ZBBX: variants seen among roughly 807,000 people sequenced by gnomAD.
ZBBX encodes the protein zinc finger B-box domain-containing protein 1.
ZBBX carries 101 observed loss-of-function variants against 108.5 expected under a neutral mutation model. The ratio of observed to expected loss-of-function variants is 0.93; its 90% CI spans 0.79 to 1.10. The LOEUF (loss-of-function observed/expected upper bound fraction) is 1.10. ZBBX is among the 50% of genes least tolerant of loss of function. The pLI is 0.00. For synonymous variants in ZBBX, 356 were observed against 323.4 expected, an observed-to-expected ratio of 1.10 and a Z score of -1.08; for missense variants, 1,009 against 941.4, an observed-to-expected ratio of 1.07 and a Z score of -0.94.
intron 20 of ZBBX, among the ~76,000 whole-genome samples, chr3:167,280,042 C>T (rs1446292137): frequency 6.6e-6 from 1 of 151,854 alleles, no homozygotes; most frequent in Non-Finnish European, 1.5e-5. Context: ...ACTGGCTAGC[C>T]ATATGTAGAA....
At chr3:167,331,946 T>C (rs928890054) in intron 10 of ZBBX, among the ~76,000 whole-genome samples, 3 of 152,174 alleles carry the variant, frequency 2.0e-5, no homozygotes, top group Non-Finnish European at 2.9e-5. Context: ...GGATGTGCCA[T>C]TGGCTTTGAT....
At chr3:167,223,986 G>A in the ZBBX span, among the ~76,000 whole-genome samples, 1 of 151,894 alleles carries the variant, frequency 6.6e-6, no homozygotes, top group African/African-American at 2.4e-5. Context: ...TTTAATGCCT[G>A]AAGCACTTTA....
the ZBBX span, among the ~76,000 whole-genome samples, chr3:167,178,711 T>C: frequency 2.0e-5 from 3 of 152,138 alleles, no homozygotes; most frequent in Non-Finnish European, 4.4e-5. Context: ...CTTCCCAACT[T>C]TTTGTTATCG....
chr3:167,346,370 C>T (rs1253109112), intron 9 of ZBBX, among the ~76,000 whole-genome samples: 1 of 151,830 alleles, frequency 6.6e-6, no homozygotes, highest in Non-Finnish European at 1.5e-5. Flanking sequence ...CACTAGTCAA[C>T]ATGTAAATAT....
intron 1 of ZBBX, among the ~76,000 whole-genome samples, chr3:167,388,889 C>T (rs1048925563): frequency 2.6e-5 from 4 of 152,014 alleles, no homozygotes; most frequent in South Asian, 2.1e-4. Flanking sequence ...CTTAAATTTG[C>T]ATTTCTTTTA....
chr3:167,405,542 T>G (rs1036847115), intron 1 of ZBBX, among the ~76,000 whole-genome samples: 12 of 152,166 alleles, frequency 7.9e-5, no homozygotes, highest in African/African-American at 2.7e-4. Context: ...GTAATTTTCA[T>G]GAAGAAGTGT....
chr3:167,366,746 T>C (rs1009267950), intron 5 of ZBBX: 2 of 439,130 alleles, frequency 4.6e-6, no homozygotes, highest in African/African-American at 4.1e-5. Flanking sequence ...TTAAGAATCA[T>C]CTAGAAAAGC....
intron 16 of ZBBX, among the ~76,000 whole-genome samples, chr3:167,312,257 C>T (rs533238968): frequency 6.6e-6 from 1 of 152,202 alleles, no homozygotes; most frequent in Admixed American, 6.5e-5. Flanking sequence ...TAAAAAAAAT[C>T]AGTGGTTGCC....
chr3:167,287,271 C>A (rs1729875151), intron 19 of ZBBX, among the ~76,000 whole-genome samples: 1 of 151,926 alleles, frequency 6.6e-6, no homozygotes. Context: ...TTATATATAT[C>A]AAAAAATTTA....
intron 16 of ZBBX, among the ~76,000 whole-genome samples, chr3:167,312,111 T>G (rs927297456): frequency 6.6e-6 from 1 of 152,078 alleles, no homozygotes; most frequent in African/African-American, 2.4e-5. Context: ...CTAAAAGAAA[T>G]GAGAAATCAA....
intron 9 of ZBBX, among the ~76,000 whole-genome samples, chr3:167,348,373 A>AAAG (rs1553833150): frequency 3.9e-4 from 54 of 139,528 alleles, no homozygotes; most frequent in Admixed American, 8.7e-4. Context: ...AGAAAGAAAA[A>AAAG]AAAGAAAAGA....
intron 20 of ZBBX, among the ~76,000 whole-genome samples, chr3:167,273,416 A>C (rs1726891084): frequency 6.6e-6 from 1 of 152,102 alleles, no homozygotes; most frequent in African/African-American, 2.4e-5. Context: ...GGCTTGGGGC[A>C]ACAAATTGTG....
At position 167,368,467 on chromosome 3, in the gene ZBBX, T is replaced by A; in HGVS notation, c.176A>T (p.Asp59Val). 1 of 1,609,384 alleles carries A rather than the reference T, an allele frequency of 6.2e-7. No individual in the cohort carries two copies. Among genetic ancestry groups the A allele is most frequent in the Non-Finnish European group, 8.5e-7 (1 of 1,176,330 alleles). The change falls in exon 5 of 22, where the codon GAT becomes GTT. Residue 59 changes from aspartate (D) to valine (V), a missense_variant. Physicochemically the swap from Asp to Val is radical, Grantham distance 152. Coordinates refer to ENST00000675490, the MANE Select transcript of ZBBX (RefSeq NM_001199201.2). ...CTCTAAGAGTTTCACTCACTCTCTA[T>A]CTTCCTTTTCTTTGTTTCTTGTGGA... Reference protein sequence around the residue: ...FRSTRNKEKEDRESSEYYWKS... With the variant: ...FRSTRNKEKEVRESSEYYWKS...
chr3:167,263,193 C>T (rs865983046), intron 20 of ZBBX, among the ~76,000 whole-genome samples: 26 of 151,958 alleles, frequency 1.7e-4, no homozygotes, highest in Non-Finnish European at 1.6e-4. Flanking sequence ...CGCACCACTG[C>T]GCCCAACTAA....
chr3:167,349,184 A>G (rs1429432646), intron 9 of ZBBX, among the ~76,000 whole-genome samples: 2 of 152,122 alleles, frequency 1.3e-5, no homozygotes, highest in Non-Finnish European at 2.9e-5. Flanking sequence ...CTGAGTGATA[A>G]CTCAGAAAAT....
intron 7 of ZBBX, among the ~76,000 whole-genome samples, chr3:167,360,295 T>C: frequency 6.6e-6 from 1 of 150,876 alleles, no homozygotes; most frequent in East Asian, 1.9e-4. Flanking sequence ...TTGCTATTAT[T>C]AAATAATTTA....
At chr3:167,289,775 C>T (rs1269063086) in intron 18 of ZBBX, among the ~76,000 whole-genome samples, 1 of 152,084 alleles carries the variant, frequency 6.6e-6, no homozygotes, top group South Asian at 2.1e-4. Context: ...AGCCAGGGAG[C>T]CAAGTGGTCT....
intron 20 of ZBBX, among the ~76,000 whole-genome samples, chr3:167,263,032 G>GTTTTTTTTT (rs1192290285): frequency 2.7e-5 from 3 of 111,034 alleles, no homozygotes; most frequent in Non-Finnish European, 3.5e-5. Context: ...TGCTTTTCTA[G>GTTTTTTTTT]TTCTTTTTTT....
chr3:167,218,569 G>A, the ZBBX span, among the ~76,000 whole-genome samples: 2 of 151,804 alleles, frequency 1.3e-5, no homozygotes, highest in African/African-American at 2.4e-5. Flanking sequence ...TTAAAATAAT[G>A]GGTTATAAGA....
Sources: gnomAD v4.1 joint callset for allele counts (sites outside exome capture counted in the v4.1 genomes callset) on GRCh38, gnomAD v4.1.1 for gene constraint, MANE v1.5 for transcripts, NCBI Gene and HGNC (gene_info 2026-07-23, HGNC 2026-07-21) for gene names.